Variants in SORCS1 observed in about 807,000 individuals in gnomAD.
SORCS1 encodes the protein VPS10 domain-containing receptor SorCS1.
In SORCS1, 60 loss-of-function variants were observed where a neutral mutation model predicts 146.1. The observed-to-expected ratio is 0.41, with a 90% CI of 0.33 to 0.51. The LOEUF is 0.51. SORCS1 is among the 20% of genes least tolerant of loss of function. SORCS1 has a pLI of 0.21. For missense variants in SORCS1, 1,352 were observed against 1,487.6 expected, an observed-to-expected ratio of 0.91 and a Z score of 1.50; for synonymous variants, 637 against 584.0, an observed-to-expected ratio of 1.09 and a Z score of -1.31.
At chr10:106,637,860 T>C (rs906307167) in intron 18 of SORCS1, among the ~76,000 whole-genome samples, 1 of 152,220 alleles carries the variant, frequency 6.6e-6, no homozygotes, top group African/African-American at 2.4e-5. Flanking sequence ...ACAAAGTGGT[T>C]TGGTCCTTCC....
intron 2 of SORCS1, among the ~76,000 whole-genome samples, chr10:106,953,515 C>T (rs1954798981): frequency 7.7e-6 from 1 of 129,214 alleles, no homozygotes; most frequent in African/African-American, 2.5e-5. Context: ...ATAGGGAAGG[C>T]TGACTATATG....
intron 18 of SORCS1, among the ~76,000 whole-genome samples, chr10:106,639,228 C>A (rs1418676008): frequency 6.6e-6 from 1 of 152,124 alleles, no homozygotes; most frequent in African/African-American, 2.4e-5. Flanking sequence ...GTGGTGAAAC[C>A]CTGATTCAGG....
At chr10:106,690,322 C>T (rs935179049) in intron 9 of SORCS1, among the ~76,000 whole-genome samples, 1 of 152,134 alleles carries the variant, frequency 6.6e-6, no homozygotes, top group African/African-American at 2.4e-5. Flanking sequence ...TCCTCTATAC[C>T]ATTCCCAGAA....
At chr10:107,167,793 T>C (rs1015123236), upstream of SORCS1, among the ~76,000 whole-genome samples, 2 of 151,858 alleles carry the variant, frequency 1.3e-5, no homozygotes, top group Non-Finnish European at 2.9e-5. Flanking sequence ...CATATGTATA[T>C]ATATTCATAT....
chr10:106,658,267 A>G (rs1296230052), intron 17 of SORCS1, among the ~76,000 whole-genome samples: 2 of 151,840 alleles, frequency 1.3e-5, no homozygotes, highest in Non-Finnish European at 2.9e-5. Context: ...TGTGCTGTTC[A>G]TTCTGCCCGG....
intron 1 of SORCS1, among the ~76,000 whole-genome samples, chr10:106,980,671 T>G (rs1319402438): frequency 2.0e-5 from 3 of 152,238 alleles, no homozygotes; most frequent in Admixed American, 6.5e-5. Flanking sequence ...CTAAATAGCA[T>G]CCAGTGCTCC....
intron 2 of SORCS1, among the ~76,000 whole-genome samples, chr10:106,926,852 CACACACACACACACAGAGAG>C (rs1313961643): frequency 9.8e-4 from 114 of 116,696 alleles, no homozygotes; most frequent in African/African-American, 2.9e-3. Context: ...CACACACACA[CACACACACACACACAGAGAG>C]AGAGAGAGAG....
intron 1 of SORCS1, among the ~76,000 whole-genome samples, chr10:107,000,044 G>C (rs1035099477): frequency 6.6e-6 from 1 of 152,106 alleles, no homozygotes; most frequent in Non-Finnish European, 1.5e-5. Flanking sequence ...GTGGGAGAAG[G>C]GGAGAACTCA....
chr10:106,589,158 A>C (rs1367516568), intron 24 of SORCS1, among the ~76,000 whole-genome samples: 1 of 152,206 alleles, frequency 6.6e-6, no homozygotes, highest in Non-Finnish European at 1.5e-5. Flanking sequence ...TCCAAATTGC[A>C]GTTCATTTGC....
At chr10:106,940,247 G>C (rs1280558011) in intron 2 of SORCS1, among the ~76,000 whole-genome samples, 1 of 152,190 alleles carries the variant, frequency 6.6e-6, no homozygotes, top group Non-Finnish European at 1.5e-5. Context: ...TTGATTACTT[G>C]TGATAACTAA....
chr10:106,620,494 C>T lies in SORCS1; in HGVS notation c.2730G>A (p.Thr910=), dbSNP rs771876529. The T allele has an allele frequency of 2.5e-6, 4 of 1,614,126 alleles. No homozygotes were observed. Among genetic ancestry groups the T allele is most frequent in the African/African-American group, 1.3e-5 (1 of 75,066 alleles). Residue 910 remains threonine (T), a synonymous_variant, in exon 20 of 26, where the codon ACG becomes ACA. Coordinates refer to ENST00000263054, the MANE Select transcript of SORCS1 (RefSeq NM_052918.5). ...VTTKNKEVNA[T]AVLWPSQVGT... Reference sequence around the variant, plus strand: ...CCACTTGGCTGGGCCACAGCACTGCCGTCGCATTGACCTCTTTGTTCTTTG... The same window carrying T: ...CCACTTGGCTGGGCCACAGCACTGCTGTCGCATTGACCTCTTTGTTCTTTG...
intron 6 of SORCS1, among the ~76,000 whole-genome samples, chr10:106,716,119 A>G (rs971595792): frequency 6.6e-6 from 1 of 152,178 alleles, no homozygotes; most frequent in Non-Finnish European, 1.5e-5. Context: ...TAAAAACACC[A>G]TGAAAAAATA....
rs199862577 is a variant in SORCS1, at chr10:106,577,503, A to T, written c.3424T>A (p.Ser1142Thr). ...TGTCTTGCTCTTTGCAATCGGAGAG[A>T]TGAGTCACCAGGTTGAGTAGAAGGG... ...PSPSTQPGDS[S>T]LRLQRARHAT... The change falls in exon 26 of 26, where the codon TCT becomes ACT. Residue 1142 changes from serine (S) to threonine (T), a missense_variant. By Grantham distance (58) the Ser-to-Thr change is moderately conservative. Transcript: ENST00000263054. 7.0e-6 allele frequency: 9 copies of T among 1,281,054 alleles called. No homozygotes were observed. In the East Asian group the frequency reaches 2.9e-4, roughly 41 times the overall value. 79.4% of individuals were successfully genotyped at this position (1,281,054 alleles called of 1,614,324 possible). A position where few individuals can be genotyped will look rare whatever the true frequency, so the allele number is the denominator to read the frequency against.
chr10:107,179,727 T>C, the SORCS1 span, among the ~76,000 whole-genome samples: 1 of 152,154 alleles, frequency 6.6e-6, no homozygotes, highest in Non-Finnish European at 1.5e-5. Context: ...GTGAAATGAC[T>C]CTTCATGTCT....
At position 106,624,023 on chromosome 10, in the gene SORCS1, A is replaced by G. The variant is rs115664496; in HGVS notation, c.2663-3462T>C. On this transcript the variant is annotated intron_variant, in intron 19 of 25. Coordinates refer to ENST00000263054, the MANE Select transcript of SORCS1 (RefSeq NM_052918.5). The stretch of plus-strand genomic sequence containing the variant: ...TTTTGAGTCCTGTGATCTGTTGGGT[A>G]TTATTCTAGGTGCTGGGGATACCTG... 2.3e-3 allele frequency among the ~76,000 whole-genome samples: 345 copies of G among 152,222 alleles called. 3 individuals carry two copies. Among genetic ancestry groups the G allele is most frequent in the African/African-American group, 8.0e-3 (331 of 41,542 alleles).
At chr10:106,687,364 T>C (rs886869659) in intron 10 of SORCS1, among the ~76,000 whole-genome samples, 3 of 152,322 alleles carry the variant, frequency 2.0e-5, no homozygotes, top group African/African-American at 7.2e-5. Flanking sequence ...TGCCCAAATG[T>C]AAGGCAACTA....
intron 9 of SORCS1, among the ~76,000 whole-genome samples, chr10:106,694,070 G>A (rs1853506376): frequency 6.6e-6 from 1 of 152,092 alleles, no homozygotes; most frequent in Admixed American, 6.6e-5. Context: ...CTTTGTGGAT[G>A]GGATATTTTT....
chr10:107,076,104 T>C (rs1387439287), intron 1 of SORCS1, among the ~76,000 whole-genome samples: 1 of 152,176 alleles, frequency 6.6e-6, no homozygotes, highest in Non-Finnish European at 1.5e-5. Flanking sequence ...TCTCAGATCA[T>C]GGGCTTCTGA....
intron 1 of SORCS1, among the ~76,000 whole-genome samples, chr10:106,965,195 G>T (rs1955442632): frequency 6.6e-6 from 1 of 151,968 alleles, no homozygotes; most frequent in African/African-American, 2.4e-5. Flanking sequence ...TGAAGATGTG[G>T]CTATACTCAG....
Sources: gnomAD v4.1 joint callset for allele counts (sites outside exome capture counted in the v4.1 genomes callset) on GRCh38, gnomAD v4.1.1 for gene constraint, MANE v1.5 for transcripts, NCBI Gene and HGNC (gene_info 2026-07-23, HGNC 2026-07-21) for gene names.